The following PTK2 variants were observed in gnomAD, a reference collection of about 807,000 sequenced individuals.
PTK2 encodes protein tyrosine kinase 2.
A neutral mutation model predicts 150.1 loss-of-function variants in PTK2; 45 were observed. The observed-to-expected ratio is 0.30, with a 90% CI of 0.24 to 0.38. The LOEUF (loss-of-function observed/expected upper bound fraction) is 0.38. Among genes scored for constraint, PTK2 ranks in the 10% least tolerant of loss-of-function variants. The pLI is 1.00. For missense variants in PTK2, 919 were observed against 1,307.3 expected (o/e 0.70, Z 4.58); for synonymous variants, 432 against 449.2 (o/e 0.96, Z 0.48).
intron 11 of PTK2, among the ~76,000 whole-genome samples, chr8:140,801,163 G>A (rs2100094792): frequency 6.6e-6 from 1 of 152,148 alleles, no homozygotes; most frequent in South Asian, 2.1e-4. Flanking sequence ...GAATCACAGG[G>A]CAGAAGAGTG....
chr8:140,831,103 G>A (rs938154604), intron 7 of PTK2, among the ~76,000 whole-genome samples: 1 of 152,160 alleles, frequency 6.6e-6, no homozygotes, highest in African/African-American at 2.4e-5. Flanking sequence ...TAAAAAAGGT[G>A]AATTTATGGA....
At chr8:140,669,732 A>C in intron 29 of PTK2, 1 of 1,534,038 alleles carries the variant, frequency 6.5e-7, no homozygotes. Context: ...CTTACCCTCC[A>C]TGGCTATTGT....
chr8:140,828,627 A>T (rs192765670), intron 8 of PTK2, among the ~76,000 whole-genome samples: 1 of 152,224 alleles, frequency 6.6e-6, no homozygotes, highest in Admixed American at 6.5e-5. Flanking sequence ...TGGGTAGAGT[A>T]CTCTTCTATC....
chr8:140,927,962 A>AG (rs1569054866), intron 1 of PTK2, among the ~76,000 whole-genome samples: 8 of 31,544 alleles, frequency 2.5e-4, no homozygotes, highest in African/African-American at 6.5e-4. Flanking sequence ...AAAAAAGAAA[A>AG]AAAAAAAAAA....
At chr8:140,719,627 G>C (rs752262215) in intron 22 of PTK2, among the ~76,000 whole-genome samples, 1 of 152,138 alleles carries the variant, frequency 6.6e-6, no homozygotes, top group Non-Finnish European at 1.5e-5. Context: ...ATTTACTTGA[G>C]GGCTGCTCAT....
chr8:140,916,339 A>G (rs538897058), intron 2 of PTK2, among the ~76,000 whole-genome samples: 1 of 152,244 alleles, frequency 6.6e-6, no homozygotes, highest in Non-Finnish European at 1.5e-5. Context: ...CCTCGTAGGC[A>G]CGAAGAACTG....
chr8:140,682,823 C>A (rs1399637071), intron 27 of PTK2, among the ~76,000 whole-genome samples: 5 of 152,064 alleles, frequency 3.3e-5, no homozygotes, highest in Non-Finnish European at 7.4e-5. Context: ...AGATACAACA[C>A]ACTAGAATCT....
At position 140,915,624 on chromosome 8, in the gene PTK2, C is replaced by T. The variant is rs182615479; in HGVS notation, c.-33+10037G>A. ...AAAAACCCCATATCCAGGCCGGGCA[C>T]GGTGGCTCACGCCTGTAATCCCAGC... is the stretch of plus-strand genomic sequence containing the variant. On this transcript the variant is annotated intron_variant, in intron 2 of 31. Transcript: ENST00000522684. 1.6e-3 allele frequency among the ~76,000 whole-genome samples: 245 copies of T among 152,038 alleles called. 1 individual carries two copies. The highest frequency in any genetic ancestry group is 5.6e-3 in the African/African-American group (233 of 41,452).
intron 1 of PTK2, among the ~76,000 whole-genome samples, chr8:140,956,919 G>A (rs562064442): frequency 6.6e-6 from 1 of 151,804 alleles, no homozygotes; most frequent in Non-Finnish European, 1.5e-5. Context: ...AAATTAGCCG[G>A]GCATGGTGAC....
At chr8:140,800,298 C>T (rs1160947949) in intron 12 of PTK2, among the ~76,000 whole-genome samples, 161 bp downstream of exon 12, 1 of 152,078 alleles carries the variant, frequency 6.6e-6, no homozygotes, top group Non-Finnish European at 1.5e-5. Context: ...AAACGGATCA[C>T]CATCCCTAGA....
chr8:140,771,331 C>T (rs2100075365), intron 14 of PTK2: 1 of 152,264 alleles, frequency 6.6e-6, no homozygotes, highest in Admixed American at 6.5e-5. Flanking sequence ...GTTGCAAAAC[C>T]TCTACTAGCA....
intron 1 of PTK2, among the ~76,000 whole-genome samples, chr8:140,997,800 G>C (rs1216369530): frequency 6.6e-6 from 1 of 152,068 alleles, no homozygotes; most frequent in African/African-American, 2.4e-5. Flanking sequence ...TTAGCTGGGA[G>C]TAGTGGTATG....
At chr8:140,669,316 T>TATATATATACACATATATATAC (rs2094318087) in intron 29 of PTK2, 1 of 129,530 alleles carries the variant, frequency 7.7e-6, no homozygotes, top group African/African-American at 3.1e-5. Flanking sequence ...TATATATATA[T>TATATATATACACATATATATAC]ATATATATAT....
Position 140,857,092 on chromosome 8 carries a change from G to T in PTK2, c.450+7220C>A, listed in dbSNP as rs193244773. ...GAGAAATAATTTCCCCACAGTTAAA[G>T]TTAAGCCATTGATCAGAGTGATCAC... On this transcript the variant is annotated intron_variant, in intron 5 of 31. Coordinates refer to ENST00000522684, the Ensembl canonical transcript of PTK2. Among the ~76,000 whole-genome samples the T allele has an allele frequency of 1.7e-3, 266 of 152,314 alleles. 2 individuals carry two copies. Among genetic ancestry groups the T allele is most frequent in the African/African-American group, 6.2e-3 (256 of 41,568 alleles).
exon 22 of PTK2, chr8:140,735,439 C>T: frequency 6.2e-7 from 1 of 1,614,134 alleles, no homozygotes; most frequent in East Asian, 2.2e-5. Context: ...GCATCAGTAT[C>T]TCCCACATAC....
rs1555356000 is a variant in PTK2, at chr8:140,902,921, G to GTTGTTTTTTGTTTTTTT, written c.-32-12153_-32-12152insAAAAAAACAAAAAACAA. Among the ~76,000 whole-genome samples, 9 of 66,784 alleles carry GTTGTTTTTTGTTTTTTT rather than the reference G, an allele frequency of 1.3e-4. 2 individuals are homozygous for GTTGTTTTTTGTTTTTTT. Among genetic ancestry groups the GTTGTTTTTTGTTTTTTT allele is most frequent in the African/African-American group, 6.5e-5 (1 of 15,344 alleles). The allele number at this position is 66,784 out of a possible 152,430, so 43.8% of individuals were successfully genotyped here. A position where few individuals can be genotyped will look rare whatever the true frequency, so the allele number is the denominator to read the frequency against. On this transcript the variant is annotated intron_variant, in intron 2 of 31. Transcript: ENST00000522684. The stretch of plus-strand genomic sequence containing the variant: ...AGGTTGCCTGTTCACTCTGATGAGA[G>GTTGTTTTTTGTTTTTTT]TTGTTTTTTTTTTTTTTTTTTTTTT...
intron 1 of PTK2, among the ~76,000 whole-genome samples, chr8:140,998,188 CA>C (rs2100198517): frequency 6.6e-6 from 1 of 152,146 alleles, no homozygotes; most frequent in African/African-American, 2.4e-5. Context: ...AAATTTAAAA[CA>C]AGAATTGATC....
chr8:140,919,841 G>A (rs375779440), intron 2 of PTK2, among the ~76,000 whole-genome samples: 14 of 152,098 alleles, frequency 9.2e-5, no homozygotes, highest in African/African-American at 2.9e-4. Context: ...CTAATATCAC[G>A]TTTTGTAAAT....
intron 1 of PTK2, among the ~76,000 whole-genome samples, chr8:140,980,063 A>T (rs2100190833): frequency 6.6e-6 from 1 of 152,174 alleles, no homozygotes; most frequent in Non-Finnish European, 1.5e-5. Flanking sequence ...CAGCCCTATA[A>T]CTCAGCAATC....
Sources: gnomAD v4.1 joint callset for allele counts (sites outside exome capture counted in the v4.1 genomes callset) on GRCh38, gnomAD v4.1.1 for gene constraint, MANE v1.5 for transcripts, NCBI Gene and HGNC (gene_info 2026-07-23, HGNC 2026-07-21) for gene names.